SENP7: variants seen among roughly 807,000 people sequenced by gnomAD.
SENP7 encodes SUMO specific peptidase 7, also known as sentrin-specific protease 7.
In SENP7, 64 loss-of-function variants were observed where a neutral mutation model predicts 141.2. That is an observed-to-expected ratio of 0.45 (90% CI 0.37 to 0.56). The LOEUF (loss-of-function observed/expected upper bound fraction) is 0.56, where lower values mean the gene tolerates loss of function less well. Ranked by LOEUF, SENP7 falls within the 20% of genes least tolerant of loss-of-function variation. SENP7 has a pLI of 0.00. For synonymous variants in SENP7, 382 were observed against 426.4 expected, an observed-to-expected ratio of 0.90 and a Z score of 1.28; for missense variants, 1,025 against 1,212.2, an observed-to-expected ratio of 0.85 and a Z score of 2.29.
At chr3:101,436,081 G>A (rs983598803) in intron 4 of SENP7, among the ~76,000 whole-genome samples, 13 of 152,028 alleles carry the variant, frequency 8.6e-5, no homozygotes, top group African/African-American at 2.9e-4. Context: ...CAAACACATA[G>A]ATCAATGGAA....
At chr3:101,444,002 G>C (rs1166527197) in intron 4 of SENP7, among the ~76,000 whole-genome samples, 1 of 147,524 alleles carries the variant, frequency 6.8e-6, no homozygotes, top group Non-Finnish European at 1.5e-5. Context: ...TCTGACAAAG[G>C]GCTAATATCC....
At chr3:101,441,494 A>C (rs1467395741) in intron 4 of SENP7, among the ~76,000 whole-genome samples, 1 of 152,146 alleles carries the variant, frequency 6.6e-6, no homozygotes, top group Non-Finnish European at 1.5e-5. Flanking sequence ...ACCACAGCCC[A>C]TACACACTGT....
At chr3:101,327,839 G>C in intron 22 of SENP7, 23 bp from the exon 23 acceptor site, 1 of 1,534,322 alleles carries the variant, frequency 6.5e-7, no homozygotes. Context: ...ACAAATAAGA[G>C]TGACTAAAGT....
intron 4 of SENP7, among the ~76,000 whole-genome samples, chr3:101,428,484 C>T (rs978560549): frequency 5.9e-5 from 9 of 152,154 alleles, no homozygotes; most frequent in African/African-American, 1.9e-4. Context: ...TTGTTGGCTG[C>T]GTAAATGTCT....
chr3:101,452,893 T>C (rs1395604709), intron 4 of SENP7, among the ~76,000 whole-genome samples: 7 of 152,200 alleles, frequency 4.6e-5, no homozygotes, highest in African/African-American at 9.6e-5. Context: ...AGAGCTTCTT[T>C]ACAGCAAAAG....
At chr3:101,400,847 C>A (rs1430580808) in intron 5 of SENP7, among the ~76,000 whole-genome samples, 1 of 152,102 alleles carries the variant, frequency 6.6e-6, no homozygotes, top group African/African-American at 2.4e-5. Context: ...GCAATCCCAG[C>A]ACTTTGGGAG....
chr3:101,327,806 C>T lies in SENP7; in HGVS notation c.2875G>A (p.Val959Ile), dbSNP rs779578577. ...GTTTTTAGTTTAACTTCCCACTCTA[C>T]CTCTAAATACCTGAAATAATCAACA... is the stretch of plus-strand genomic sequence containing the variant. ...TVQNLREYLE[V>I]EWEVKLKTHR... Residue 959 changes from valine to isoleucine, a missense_variant, in exon 23 of 24, where the codon GTA becomes ATA. Physicochemically the swap from Val to Ile is conservative, Grantham distance 29. Around this residue, in one of 4 missense-constraint regions of SENP7, gnomAD observed 295 missense variants for 459.1 expected, o/e 0.64. Transcript: ENST00000394095. 2.5e-6 allele frequency: 4 copies of T among 1,599,932 alleles called. No homozygotes were observed. The highest frequency in any genetic ancestry group is 2.6e-6 in the Non-Finnish European group (3 of 1,169,814).
intron 6 of SENP7, among the ~76,000 whole-genome samples, chr3:101,375,213 T>G (rs1576140743): frequency 6.6e-6 from 1 of 152,176 alleles, no homozygotes; most frequent in African/African-American, 2.4e-5. Context: ...GGTTTGGTGG[T>G]TCCTCAAAAA....
At chr3:101,472,600 T>A (rs1334830880) in intron 3 of SENP7, among the ~76,000 whole-genome samples, 15 of 152,060 alleles carry the variant, frequency 9.9e-5, no homozygotes, top group Non-Finnish European at 1.5e-5. Flanking sequence ...TGTATACCTA[T>A]GTATCAAACC....
At chr3:101,401,523 C>T (rs114423240) in intron 5 of SENP7, among the ~76,000 whole-genome samples, 12,362 of 141,862 alleles carry the variant, frequency 0.087, 554 homozygotes, top group Middle Eastern at 0.15. Flanking sequence ...AGCAACACTC[C>T]ATCTCAAAAA....
intron 7 of SENP7, among the ~76,000 whole-genome samples, chr3:101,369,121 TTTG>T (rs1335181708): frequency 1.3e-5 from 2 of 152,222 alleles, no homozygotes; most frequent in Non-Finnish European, 2.9e-5. Context: ...ATATTTAATA[TTTG>T]TTATCAAATA....
At chr3:101,344,862 C>T (rs2059414566) in intron 13 of SENP7, among the ~76,000 whole-genome samples, 1 of 151,804 alleles carries the variant, frequency 6.6e-6, no homozygotes, top group South Asian at 2.1e-4. Flanking sequence ...AGGTAGTTGG[C>T]CAGGCATGGT....
chr3:101,479,892 CAAAAAAAAAAAAAA>C (rs1168285268), intron 3 of SENP7, among the ~76,000 whole-genome samples: 1 of 7,338 alleles, frequency 1.4e-4, no homozygotes, highest in Non-Finnish European at 2.3e-4. Context: ...ACAACAGCTA[CAAAAAAAAAAAAAA>C]AAAAAAAAAA....
At chr3:101,349,809 C>T (rs2059569039) in intron 12 of SENP7, among the ~76,000 whole-genome samples, 1 of 152,094 alleles carries the variant, frequency 6.6e-6, no homozygotes, top group Admixed American at 6.6e-5. Flanking sequence ...AGGTGTATAG[C>T]AGATACTAAA....
chr3:101,354,882 G>C (rs571349270), intron 11 of SENP7, among the ~76,000 whole-genome samples: 1 of 151,750 alleles, frequency 6.6e-6, no homozygotes, highest in Non-Finnish European at 1.5e-5. Flanking sequence ...CTGCAACCTC[G>C]TCAGCATGTT....
chr3:101,469,472 A>T (rs2063892741), intron 3 of SENP7, among the ~76,000 whole-genome samples: 1 of 151,010 alleles, frequency 6.6e-6, no homozygotes, highest in Non-Finnish European at 1.5e-5. Context: ...ACCACATCAC[A>T]CTTATTCTAA....
chr3:101,378,527 A>T (rs1165758094), intron 6 of SENP7, among the ~76,000 whole-genome samples: 3 of 152,124 alleles, frequency 2.0e-5, no homozygotes, highest in Non-Finnish European at 2.9e-5. Flanking sequence ...AAAAAGACTA[A>T]AAAAACCCGT....
intron 4 of SENP7, among the ~76,000 whole-genome samples, chr3:101,443,201 T>A (rs1398096307): frequency 6.6e-6 from 1 of 152,218 alleles, no homozygotes; most frequent in Non-Finnish European, 1.5e-5. Context: ...ATTTATTAAA[T>A]AGGGAATCCT....
intron 4 of SENP7, among the ~76,000 whole-genome samples, chr3:101,429,155 G>A (rs1205449677): frequency 1.3e-5 from 2 of 152,280 alleles, no homozygotes; most frequent in East Asian, 3.9e-4. Flanking sequence ...TTTGGCTTAG[G>A]ATTGTCTTGG....
Sources: gnomAD v4.1 joint callset for allele counts (sites outside exome capture counted in the v4.1 genomes callset) on GRCh38, gnomAD v4.1.1 for gene constraint, gnomAD v4.1.1 regional missense constraint, MANE v1.5 for transcripts, NCBI Gene and HGNC (gene_info 2026-07-23, HGNC 2026-07-21) for gene names.